The following ABCG2 variants were observed in gnomAD, a reference collection of about 807,000 sequenced individuals.
ABCG2 encodes the protein broad substrate specificity ATP-binding cassette transporter ABCG2.
A neutral mutation model predicts 73.5 loss-of-function variants in ABCG2; 80 were observed. The ratio of observed to expected loss-of-function variants is 1.09; its 90% confidence interval spans 0.91 to 1.31. The LOEUF is 1.31. ABCG2 is among the 50% of genes most tolerant of loss of function. The pLI, the probability that ABCG2 is intolerant of heterozygous loss-of-function variation, is 0.00. For missense variants in ABCG2, 796 were observed against 786.2 expected (o/e 1.01, Z -0.15); for synonymous variants, 269 against 282.4 (o/e 0.95, Z 0.48).
intron 1 of ABCG2, among the ~76,000 whole-genome samples, chr4:88,188,869 T>C (rs1312213737): frequency 1.3e-5 from 2 of 151,738 alleles, no homozygotes; most frequent in Non-Finnish European, 2.9e-5. Flanking sequence ...AAAAATTAGC[T>C]GGTCTTGGTG....
At chr4:88,099,279 G>C (rs572556606) in intron 12 of ABCG2, 45 bp downstream of exon 12, 13 of 1,503,078 alleles carry the variant, frequency 8.6e-6, no homozygotes, top group South Asian at 4.2e-5. Context: ...TTCACCCATA[G>C]GCAAGACTAA....
chr4:88,196,365 G>A lies in ABCG2; in HGVS notation c.-20+34629C>T, dbSNP rs1728941829. The stretch of plus-strand genomic sequence containing the variant: ...CTAGCACAGAATAATCATCCCATAA[G>A]TGGTGTCTTAATTATCTTTAACCAC... On this transcript the variant is annotated intron_variant, in intron 1 of 15. Coordinates refer to the ABCG2 transcript ENST00000515655. 3.3e-5 allele frequency among the ~76,000 whole-genome samples: 5 copies of A among 152,256 alleles called. No individual in the cohort carries two copies. In the South Asian group the frequency reaches 1.0e-3, roughly 32 times the overall value.
chr4:88,128,693 T>G (rs1724610060), intron 5 of ABCG2, among the ~76,000 whole-genome samples: 1 of 152,144 alleles, frequency 6.6e-6, no homozygotes. Flanking sequence ...ACACTGCATG[T>G]TCTCACTCAT....
At chr4:88,188,286 G>A (rs6833713) in intron 1 of ABCG2, among the ~76,000 whole-genome samples, 128,113 of 152,170 alleles carry the variant, frequency 0.84, 54,105 homozygotes, top group East Asian at 1. Flanking sequence ...TCAATTGCCC[G>A]CATATGCAAA....
In ABCG2 at chr4:88,101,316, A is replaced by G; in HGVS notation, c.1281T>C (p.Ala427=). ...TGGTCGTCAGGAAGAAGAGAACCCC[A>G]GCTCTGCCATGAAAAGGGGAACCAA... ...KNDSTGIQNR[A]GVLFFLTTNQ... is the part of the protein sequence containing the mutation. The change falls in exon 11 of 16, where the codon GCT becomes GCC. Residue 427 remains alanine, a synonymous_variant. Transcript: ENST00000237612. 1 of 1,614,124 alleles carries G rather than the reference A, an allele frequency of 6.2e-7. No individual in the cohort carries two copies.
intron 13 of ABCG2, among the ~76,000 whole-genome samples, chr4:88,097,252 C>T (rs1722045957): frequency 6.6e-6 from 1 of 152,110 alleles, no homozygotes; most frequent in Non-Finnish European, 1.5e-5. Context: ...TTCATTAGAA[C>T]AGTAGCAAAA....
intron 5 of ABCG2, among the ~76,000 whole-genome samples, chr4:88,125,424 TGG>T (rs1487760014): frequency 6.6e-6 from 1 of 151,228 alleles, no homozygotes; most frequent in Non-Finnish European, 1.5e-5. Context: ...CTGGCTAACG[TGG>T]TGAAATGCCA....
intron 2 of ABCG2, among the ~76,000 whole-genome samples, chr4:88,135,367 A>T (rs1188789461): frequency 6.6e-6 from 1 of 152,214 alleles, no homozygotes; most frequent in Non-Finnish European, 1.5e-5. Flanking sequence ...GTTGTTGTAA[A>T]CCACTGAACA....
At chr4:88,142,530 T>C (rs1381476099) in intron 1 of ABCG2, among the ~76,000 whole-genome samples, 1 of 152,178 alleles carries the variant, frequency 6.6e-6, no homozygotes, top group African/African-American at 2.4e-5. Context: ...GTGAACACAA[T>C]GAATGGTAAT....
rs147070185 is a variant in ABCG2 at position 88,108,212 on chromosome 4, G to A, written c.1195-946C>T. ...GAGAAAATCCTATTTATATTTACTC[G>A]TGAGTTAAATATTAAAAAACAAGAA... On this transcript the variant is annotated intron_variant, in intron 9 of 15. Transcript: ENST00000237612. 1.8e-4 allele frequency among the ~76,000 whole-genome samples: 28 copies of A among 152,216 alleles called. No homozygotes were observed. In the East Asian group the frequency reaches 2.1e-3, roughly 12 times the overall value.
intron 13 of ABCG2, among the ~76,000 whole-genome samples, chr4:88,096,485 G>A (rs1018189618): frequency 3.9e-5 from 6 of 152,174 alleles, no homozygotes; most frequent in African/African-American, 1.4e-4. Context: ...CTGGATGACA[G>A]TATGGGAAAT....
intron 1 of ABCG2, among the ~76,000 whole-genome samples, chr4:88,156,132 T>C (rs1197131602): frequency 4.0e-5 from 6 of 148,478 alleles, no homozygotes; most frequent in Non-Finnish European, 9.0e-5. Context: ...CCCAGCACTT[T>C]GGGAGGCCGA....
intron 1 of ABCG2, among the ~76,000 whole-genome samples, chr4:88,191,280 AAAAC>A (rs1728682364): frequency 6.7e-6 from 1 of 150,096 alleles, no homozygotes; most frequent in African/African-American, 2.4e-5. Flanking sequence ...TCAAAAAAAA[AAAAC>A]AAAAAGGGCA....
At chr4:88,129,801 T>C (rs1423497877) in intron 5 of ABCG2, among the ~76,000 whole-genome samples, 1 of 152,186 alleles carries the variant, frequency 6.6e-6, no homozygotes, top group African/African-American at 2.4e-5. Flanking sequence ...GCTTCAAATA[T>C]CTTCTCAGCA....
chr4:88,211,358 G>GCCCCCCCCCCCCCCCC (rs1264405228), intron 1 of ABCG2, among the ~76,000 whole-genome samples: 1 of 33,648 alleles, frequency 3.0e-5, no homozygotes, highest in Non-Finnish European at 5.6e-5. Context: ...TTCAACCCCT[G>GCCCCCCCCCCCCCCCC]CCCCACCCCC....
intron 5 of ABCG2, among the ~76,000 whole-genome samples, chr4:88,126,393 T>C (rs541316498): frequency 5.5e-4 from 83 of 152,024 alleles, no homozygotes; most frequent in Non-Finnish European, 2.4e-4. Context: ...TTCCAAACAA[T>C]AGAAAAAGAG....
In ABCG2 at chr4:88,091,161, A is replaced by G. The variant is rs751386576; in HGVS notation, c.*1073T>C. On this transcript the variant is annotated 3_prime_UTR_variant, in exon 16 of 16. Transcript: ENST00000237612. Reference sequence around the variant, plus strand: ...GCTGAGTAGGCTTTTGTGTGCTACAATCTTCTATTTCTTGACCTGAATTGA... The same window carrying G: ...GCTGAGTAGGCTTTTGTGTGCTACAGTCTTCTATTTCTTGACCTGAATTGA... 1.3e-5 allele frequency: 2 copies of G among 152,204 alleles called. No individual in the cohort carries two copies. Among genetic ancestry groups the G allele is most frequent in the Non-Finnish European group, 2.9e-5 (2 of 68,030 alleles). The allele number at this position is 152,204 out of a possible 1,614,324, so 9.4% of individuals were successfully genotyped here.
chr4:88,113,703 C>G (rs1411553689), intron 8 of ABCG2, 150 bp from the exon 9 acceptor site: 1 of 1,058,706 alleles, frequency 9.4e-7, no homozygotes, highest in African/African-American at 1.6e-5. Flanking sequence ...CGGCTCATGA[C>G]TGTAATCTCA....
chr4:88,167,014 T>G (rs1296737040), intron 1 of ABCG2, among the ~76,000 whole-genome samples: 1 of 152,078 alleles, frequency 6.6e-6, no homozygotes, highest in Non-Finnish European at 1.5e-5. Flanking sequence ...GAGTAACAAA[T>G]TACCATCAAG....
Sources: allele counts gnomAD v4.1 joint callset (sites outside exome capture counted in the v4.1 genomes callset), GRCh38; gene constraint gnomAD v4.1.1; transcripts MANE v1.5; gene names NCBI Gene and HGNC (gene_info 2026-07-23, HGNC 2026-07-21).